Variants in ALB observed in about 807,000 individuals in gnomAD.
ALB encodes serum albumin.
ALB carries 37 observed loss-of-function variants against 74.5 expected under a neutral mutation model. The observed-to-expected ratio is 0.50, with a 90% CI of 0.38 to 0.65. The LOEUF (loss-of-function observed/expected upper bound fraction) is 0.65, where lower values mean the gene tolerates loss of function less well. Among genes scored for constraint, ALB ranks in the 30% least tolerant of loss-of-function variants. The pLI is 0.00. For synonymous variants in ALB, 249 were observed against 251.6 expected, an observed-to-expected ratio of 0.99 and a Z score of 0.10; for missense variants, 685 against 718.7, an observed-to-expected ratio of 0.95 and a Z score of 0.54.
chr4:73,419,640 G>T lies in ALB; in HGVS notation c.1785+1G>T. The T allele has an allele frequency of 6.2e-7, 1 of 1,613,816 alleles. No individual in the cohort carries two copies. Among genetic ancestry groups the T allele is most frequent in the Non-Finnish European group, 8.5e-7 (1 of 1,179,858 alleles). ...TAAGGAGACCTGCTTTGCCGAGGAG[G>T]TACTACAGTTCTCTTCATTTTAATA... On this transcript the variant is annotated splice_donor_variant, in intron 13 of 14. Coordinates refer to ENST00000295897, the MANE Select transcript of ALB (RefSeq NM_000477.7). LOFTEE classifies it high-confidence loss of function.
chr4:73,415,369 A>T lies in ALB; in HGVS notation c.1191+202A>T, dbSNP rs1481845763. ...AATTTAGACTAGTTAGAATAGAAAG[A>T]TCTGAATAGAGCAATCTCTAAAAAA... On this transcript the variant is annotated intron_variant, in intron 9 of 14. Coordinates refer to ENST00000295897, the MANE Select transcript of ALB (RefSeq NM_000477.7). 6.5e-6 allele frequency: 4 copies of T among 619,714 alleles called. No homozygotes were observed. The South Asian group carries it at 8.2e-5, about 13-fold the overall frequency. 38.4% of individuals were successfully genotyped at this position (619,714 alleles called of 1,614,324 possible).
chr4:73,411,406 T>A (rs1718872989), intron 6 of ALB, among the ~76,000 whole-genome samples: 1 of 152,226 alleles, frequency 6.6e-6, no homozygotes. Context: ...TGCTGGATCT[T>A]TCTTTTTATA....
Position 73,419,596 on chromosome 4 carries a change from A to G in ALB, c.1742A>G (p.Lys581Arg). Residue 581 changes from lysine (K) to arginine (R), a missense_variant, in exon 13 of 15, where the codon AAG becomes AGG. By Grantham distance (26) the Lys-to-Arg change is conservative (BLOSUM62 2). Coordinates refer to ENST00000295897, the MANE Select transcript of ALB (RefSeq NM_000477.7). ...GATGATTTCGCAGCTTTTGTAGAGA[A>G]GTGCTGCAAGGCTGACGATAAGGAG... ...VMDDFAAFVE[K>R]CCKADDKETC... is the part of the protein sequence containing the mutation. The G allele has an allele frequency of 6.2e-7, 1 of 1,614,062 alleles. No individual in the cohort carries two copies. Among genetic ancestry groups the G allele is most frequent in the Admixed American group, 1.7e-5 (1 of 59,982 alleles).
intron 6 of ALB, 59 bp downstream of exon 6, chr4:73,410,468 T>G: frequency 8.0e-7 from 1 of 1,257,058 alleles, no homozygotes; most frequent in Non-Finnish European, 1.2e-6. Flanking sequence ...AATGCTTCAG[T>G]GACAAATTGT....
intron 7 of ALB, chr4:73,413,214 T>C (rs917913449): frequency 8.7e-5 from 51 of 588,658 alleles, no homozygotes; most frequent in Non-Finnish European, 1.5e-4. Context: ...CACCTGCTAC[T>C]GATTAGTCTA....
In ALB at chr4:73,413,535, A is replaced by T. The variant is rs554024329; in HGVS notation, c.959A>T (p.Asp320Val). 1.2e-6 allele frequency: 2 copies of T among 1,614,218 alleles called. No homozygotes were observed. The highest frequency in any genetic ancestry group is 2.2e-5 in the South Asian group (2 of 91,090). Residue 320 changes from aspartate (D) to valine (V), a missense_variant, in exon 8 of 15, where the codon GAT becomes GTT. Coordinates refer to ENST00000295897, the MANE Select transcript of ALB (RefSeq NM_000477.7). ...CACTGCATTGCCGAAGTGGAAAATG[A>T]TGAGATGCCTGCTGACTTGCCTTCA... The part of the protein sequence containing the change: ...KSHCIAEVEN[D>V]EMPADLPSLA...
In ALB at chr4:73,417,548, C is replaced by A; in HGVS notation, c.1307C>A (p.Thr436Asn). Residue 436 changes from threonine to asparagine, a missense_variant, in exon 11 of 15, where the codon ACC (threonine) becomes AAC (asparagine). Physicochemically the swap from Thr to Asn is moderately conservative, Grantham distance 65. Transcript: ENST00000295897. ...TTTTTCAGGCTATTAGTTCGTTACA[C>A]CAAGAAAGTACCCCAAGTGTCAACT... ...KFQNALLVRYTKKVPQVSTPT... is the reference protein window; with the variant it reads ...KFQNALLVRYNKKVPQVSTPT... 3.1e-6 allele frequency: 5 copies of A among 1,613,834 alleles called. No homozygotes were observed. Among genetic ancestry groups the A allele is most frequent in the Non-Finnish European group, 4.2e-6 (5 of 1,179,962 alleles).
At chr4:73,413,696 G>C in intron 8 of ALB, 62 bp downstream of exon 8, 1 of 1,514,854 alleles carries the variant, frequency 6.6e-7, no homozygotes, top group South Asian at 1.1e-5. Flanking sequence ...TAGGAGGATA[G>C]CCTAGGCTTT....
intron 7 of ALB, 189 bp downstream of exon 7, chr4:73,412,314 C>G: frequency 1.5e-6 from 1 of 676,760 alleles, no homozygotes; most frequent in South Asian, 1.7e-5. Context: ...TATAAATTAC[C>G]AGATAAACCC....
intron 12 of ALB, 115 bp from the exon 13 acceptor site, chr4:73,419,387 TGCCTG>T: frequency 8.7e-7 from 1 of 1,145,350 alleles, no homozygotes; most frequent in Non-Finnish European, 1.2e-6. Flanking sequence ...TACTCAGAGT[TGCCTG>T]GCTCCAAGAT....
chr4:73,405,982 T>A (rs1019735509), intron 2 of ALB, among the ~76,000 whole-genome samples: 1 of 151,876 alleles, frequency 6.6e-6, no homozygotes, highest in African/African-American at 2.4e-5. Flanking sequence ...TGTGTGGGGA[T>A]CAGGTGCGGT....
At chr4:73,419,268 C>T (rs1719088785) in intron 12 of ALB, 13 of 521,800 alleles carry the variant, frequency 2.5e-5, no homozygotes, top group South Asian at 2.0e-4. Flanking sequence ...GTGGTTTATA[C>T]TGATTGTTTC....
At chr4:73,411,620 C>G (rs1388463470) in intron 6 of ALB, among the ~76,000 whole-genome samples, 1 of 152,222 alleles carries the variant, frequency 6.6e-6, no homozygotes, top group African/African-American at 2.4e-5. Flanking sequence ...TGTCATGACA[C>G]TGCAGAGGCT....
intron 4 of ALB, 67 bp from the exon 5 acceptor site, chr4:73,409,288 G>C (rs1176632902): frequency 1.9e-6 from 3 of 1,542,794 alleles, no homozygotes. Flanking sequence ...GGAGAATGTC[G>C]ATTACAATTA....
chr4:73,409,896 T>C (rs1282072825), intron 5 of ALB, among the ~76,000 whole-genome samples: 1 of 152,160 alleles, frequency 6.6e-6, no homozygotes, highest in African/African-American at 2.4e-5. Context: ...CATGCATTCA[T>C]TCCATAAATA....
intron 1 of ALB, chr4:73,404,892 T>A: frequency 1.8e-6 from 1 of 543,644 alleles, no homozygotes; most frequent in Non-Finnish European, 3.3e-6. Flanking sequence ...GCTATAAATA[T>A]TTAATAATTT....
chr4:73,410,329 T>G lies in ALB; in HGVS notation c.633T>G (p.Asp211Glu), dbSNP rs1371161985. Residue 211 changes from aspartate to glutamate, a missense_variant, in exon 6 of 15, where the codon GAT becomes GAG. Coordinates refer to ENST00000295897, the MANE Select transcript of ALB (RefSeq NM_000477.7). ...CLLPKLDELR[D>E]EGKASSAKQR... ...TTTTGTAGCTCGATGAACTTCGGGA[T>G]GAAGGGAAGGCTTCGTCTGCCAAAC... The G allele has an allele frequency of 6.2e-7, 1 of 1,613,738 alleles. No homozygotes were observed. Among genetic ancestry groups the G allele is most frequent in the Non-Finnish European group, 8.5e-7 (1 of 1,179,772 alleles).
Position 73,408,872 on chromosome 4 carries a change from A to G in ALB, c.482+67A>G. On this transcript the variant is annotated intron_variant, in intron 4 of 14. Transcript: ENST00000295897. The stretch of plus-strand genomic sequence containing the variant: ...GAGTAACTCCATAGGCCAACACTCT[A>G]TAAAAATTACCATAACAAAAATATT... The G allele has an allele frequency of 2.3e-6, 3 of 1,312,618 alleles. No individual in the cohort carries two copies. The South Asian group carries it at 4.1e-5, about 18-fold the overall frequency. The allele number at this position is 1,312,618 out of a possible 1,614,324, so 81.3% of individuals were successfully genotyped here.
chr4:73,413,133 T>C (rs924988303), intron 7 of ALB: 3 of 352,968 alleles, frequency 8.5e-6, no homozygotes, highest in African/African-American at 6.3e-5. Context: ...AAAAACAGCA[T>C]TGAGTTTTAA....
Sources: gnomAD v4.1 joint callset for allele counts (sites outside exome capture counted in the v4.1 genomes callset) on GRCh38, gnomAD v4.1.1 for gene constraint, MANE v1.5 for transcripts, NCBI Gene and HGNC (gene_info 2026-07-23, HGNC 2026-07-21) for gene names.